Variants in MYO1H observed in about 807,000 individuals in gnomAD.
MYO1H encodes unconventional myosin-Ih.
A neutral mutation model predicts 149.3 loss-of-function variants in MYO1H; 118 were observed. The observed-to-expected ratio is 0.79, with a 90% CI of 0.68 to 0.92. The LOEUF (loss-of-function observed/expected upper bound fraction) is 0.92, where lower values mean the gene tolerates loss of function less well. Among genes scored for constraint, MYO1H ranks in the 40% least tolerant of loss-of-function variants. The probability of loss-of-function intolerance (pLI) is 0.00; values close to 1 mark genes in which losing one functional copy is unlikely to be tolerated. For missense variants in MYO1H, 1,212 were observed against 1,280.7 expected (o/e 0.95, Z 0.82); for synonymous variants, 447 against 465.2 (o/e 0.96, Z 0.50).
At chr12:109,415,544 A>C in exon 15 of MYO1H, 1 of 1,606,714 alleles carries the variant, frequency 6.2e-7, no homozygotes, top group Non-Finnish European at 8.5e-7. Flanking sequence ...TGGCTGGTCC[A>C]AAGGGCCGAA....
intron 1 of MYO1H, among the ~76,000 whole-genome samples, chr12:109,358,076 C>A (rs1457145897): frequency 6.6e-6 from 1 of 151,462 alleles, no homozygotes; most frequent in East Asian, 1.9e-4. Flanking sequence ...CAGTTGGCAT[C>A]ATTATGAATA....
At chr12:109,351,185 G>T (rs938637398) in intron 1 of MYO1H, among the ~76,000 whole-genome samples, 8 of 152,114 alleles carry the variant, frequency 5.3e-5, no homozygotes, top group African/African-American at 1.9e-4. Flanking sequence ...TTATTTCAGA[G>T]ACCTTTATTT....
chr12:109,352,117 G>T (rs1868474072), intron 1 of MYO1H, among the ~76,000 whole-genome samples: 1 of 152,062 alleles, frequency 6.6e-6, no homozygotes, highest in Admixed American at 6.6e-5. Flanking sequence ...TTGGGGAATG[G>T]ATTCCTTGTC....
chr12:109,386,285 C>T (rs1212790604), intron 1 of MYO1H, among the ~76,000 whole-genome samples: 1 of 152,112 alleles, frequency 6.6e-6, no homozygotes, highest in Non-Finnish European at 1.5e-5. Flanking sequence ...AGTTAGGGGC[C>T]GTTCTGAATA....
chr12:109,394,164 A>AAT, intron 3 of MYO1H, among the ~76,000 whole-genome samples: 1 of 152,344 alleles, frequency 6.6e-6, no homozygotes, highest in East Asian at 1.9e-4. Flanking sequence ...GTTTTTATGT[A>AAT]ATACTATAAG....
intron 27 of MYO1H, 69 bp from the exon 28 acceptor site, chr12:109,443,445 G>A (rs925132253): frequency 4.6e-5 from 71 of 1,555,832 alleles, no homozygotes; most frequent in Non-Finnish European, 5.5e-5. Context: ...TCACTTTACC[G>A]GTGTCTGAGT....
the MYO1H span, among the ~76,000 whole-genome samples, chr12:109,333,992 T>A: frequency 6.6e-6 from 1 of 152,044 alleles, no homozygotes; most frequent in Non-Finnish European, 1.5e-5. Context: ...CTTATTTACT[T>A]GTTTATGTAC....
chr12:109,364,172 A>T (rs200247349), intron 1 of MYO1H, among the ~76,000 whole-genome samples: 34 of 72,648 alleles, frequency 4.7e-4, no homozygotes, highest in Non-Finnish European at 6.1e-4. Context: ...CCATGTCTTT[A>T]AAAAAAAAAA....
chr12:109,417,935 C>T (rs943356727), intron 15 of MYO1H, among the ~76,000 whole-genome samples: 3 of 151,906 alleles, frequency 2.0e-5, no homozygotes, highest in African/African-American at 2.4e-5. Flanking sequence ...CCTGCCTCAG[C>T]CTCCCGAGTA....
chr12:109,331,410 G>C, the MYO1H span, among the ~76,000 whole-genome samples: 2 of 150,468 alleles, frequency 1.3e-5, no homozygotes, highest in African/African-American at 2.4e-5. Context: ...TTCCACTCAA[G>C]GTAGAAGTTC....
At chr12:109,415,406 T>G in intron 14 of MYO1H, 120 bp from the exon 15 acceptor site, 3 of 791,666 alleles carry the variant, frequency 3.8e-6, no homozygotes, top group Non-Finnish European at 4.0e-6. Context: ...ACCCAGGGGG[T>G]CGGAGGTTGC....
At chr12:109,329,300 A>C in the MYO1H span, among the ~76,000 whole-genome samples, 1 of 152,208 alleles carries the variant, frequency 6.6e-6, no homozygotes, top group Non-Finnish European at 1.5e-5. Flanking sequence ...CTTTTCAGCC[A>C]CAAGAGGAGA....
At chr12:109,388,651 T>G in intron 1 of MYO1H, 32 bp from the exon 2 acceptor site, 959 of 1,505,094 alleles carry the variant, frequency 6.4e-4, no homozygotes, top group Non-Finnish European at 7.9e-4. Context: ...ACCAAATAGA[T>G]GAGCTGCTGA....
At chr12:109,443,130 A>ATGTGTG (rs1872270498) in intron 27 of MYO1H, among the ~76,000 whole-genome samples, 2 of 106,842 alleles carry the variant, frequency 1.9e-5, no homozygotes, top group Non-Finnish European at 3.7e-5. Context: ...GTGTACGTAT[A>ATGTGTG]TATGTGTGTA....
chr12:109,433,068 C>T, intron 20 of MYO1H, 58 bp downstream of exon 20: 1 of 1,396,958 alleles, frequency 7.2e-7, no homozygotes, highest in Non-Finnish European at 1.0e-6. Context: ...GGGTTTTGTG[C>T]ATTGATCCGT....
At chr12:109,312,734 C>T in the MYO1H span, among the ~76,000 whole-genome samples, 23 of 151,498 alleles carry the variant, frequency 1.5e-4, no homozygotes, top group African/African-American at 5.1e-4. Flanking sequence ...AACTGCAGGG[C>T]ATGTCTATGA....
intron 19 of MYO1H, among the ~76,000 whole-genome samples, chr12:109,430,025 C>T (rs779500246): frequency 1.3e-5 from 2 of 152,244 alleles, no homozygotes; most frequent in Non-Finnish European, 2.9e-5. Flanking sequence ...TTTATGAGTG[C>T]TCCACCCTTG....
chr12:109,332,873 G>A, the MYO1H span, among the ~76,000 whole-genome samples: 125 of 152,256 alleles, frequency 8.2e-4, 2 homozygotes, highest in South Asian at 0.023. Context: ...GTGAGCCACC[G>A]TGCCCAGCCT....
At chr12:109,445,706 C>T (rs767979451) in intron 31 of MYO1H, 94 bp downstream of exon 31, 3 of 1,481,212 alleles carry the variant, frequency 2.0e-6, no homozygotes, top group Non-Finnish European at 2.7e-6. Context: ...TGACTGGAAT[C>T]ATAAGCTATT....
Sources: allele counts gnomAD v4.1 joint callset (sites outside exome capture counted in the v4.1 genomes callset), GRCh38; gene constraint gnomAD v4.1.1; transcripts MANE v1.5; gene names NCBI Gene and HGNC (gene_info 2026-07-23, HGNC 2026-07-21).